CP: variants seen among roughly 807,000 people sequenced by gnomAD.
CP encodes ceruloplasmin.
Under a neutral mutation model 122.4 loss-of-function variants are expected in CP, and 64 were observed. The observed-to-expected ratio is 0.52, with a 90% CI of 0.43 to 0.64. The LOEUF (loss-of-function observed/expected upper bound fraction) is 0.64. Ranked by LOEUF, CP falls within the 30% of genes least tolerant of loss-of-function variation. The pLI is 0.00. For synonymous variants in CP, 440 were observed against 436.4 expected, an observed-to-expected ratio of 1.01 and a Z score of -0.10; for missense variants, 1,167 against 1,284.4, an observed-to-expected ratio of 0.91 and a Z score of 1.40.
intron 1 of CP, among the ~76,000 whole-genome samples, chr3:149,213,666 GTGT>G (rs1728267136): frequency 6.9e-6 from 1 of 144,692 alleles, no homozygotes; most frequent in Admixed American, 7.1e-5. Context: ...GTGTGTGTGT[GTGT>G]GTGTTGCCTT....
intron 15 of CP, among the ~76,000 whole-genome samples, chr3:149,179,268 A>G (rs1396339146): frequency 6.6e-6 from 1 of 152,276 alleles, no homozygotes; most frequent in East Asian, 1.9e-4. Flanking sequence ...AAATGCAAAT[A>G]TACTGCCATT....
In CP at chr3:149,212,655, C is replaced by A; in HGVS notation, c.190G>T (p.Gly64Trp). 1 of 1,613,778 alleles carries A rather than the reference C, an allele frequency of 6.2e-7. No individual in the cohort carries two copies. The highest frequency in any genetic ancestry group is 2.2e-5 in the East Asian group (1 of 44,834). ...TAAAGGGCCTTCTTATATAGTCTCC[C>A]AATTCTATCTGGGCCATTTTGAAGA... is the stretch of plus-strand genomic sequence containing the variant. Reference protein sequence around the residue: ...IYLQNGPDRIGRLYKKALYLQ... With the variant: ...IYLQNGPDRIWRLYKKALYLQ... Residue 64 changes from glycine (G) to tryptophan (W), a missense_variant, in exon 2 of 19, where the codon GGG becomes TGG. Physicochemically the swap from Gly to Trp is radical, Grantham distance 184 (BLOSUM62 -2). Coordinates refer to ENST00000264613, the MANE Select transcript of CP (RefSeq NM_000096.4).
At chr3:149,189,580 C>T (rs964658150) in intron 9 of CP, among the ~76,000 whole-genome samples, 4 of 146,710 alleles carry the variant, frequency 2.7e-5, no homozygotes, top group African/African-American at 7.5e-5. Context: ...AGTTATGAAA[C>T]GAAAAAATCA....
Position 149,164,153 on chromosome 3 carries a change from G to T in CP, c.*14-1278C>A, listed in dbSNP as rs115730315. 6.4e-3 allele frequency among the ~76,000 whole-genome samples: 978 copies of T among 152,240 alleles called. 5 individuals carry two copies. Among genetic ancestry groups the T allele is most frequent in the African/African-American group, 0.023 (944 of 41,538 alleles). On this transcript the variant is annotated intron_variant, in intron 5 of 5. Coordinates refer to the CP transcript ENST00000479771. ...GATGGTTGGAACACCTGTGCTGAGC[G>T]GCTGGTTTTGTTGTAGGTGGATGAA...
intron 4 of CP, 98 bp from the exon 5 acceptor site, chr3:149,207,715 A>T: frequency 7.7e-7 from 1 of 1,295,580 alleles, no homozygotes; most frequent in South Asian, 1.2e-5. Flanking sequence ...AATGGCAAAT[A>T]TCTGGCACAC....
Position 149,221,636 on chromosome 3 carries a change from T to C in CP, c.146+11A>G. ...AATTTTGGTCTATAAACAATAAAAA[T>C]AGTGACTTACGTGTCAACAGAAATA... On this transcript the variant is annotated intron_variant, in intron 1 of 18. Transcript: ENST00000264613. The C allele has an allele frequency of 1.2e-6, 2 of 1,609,824 alleles. No homozygotes were observed. Among genetic ancestry groups the C allele is most frequent in the Non-Finnish European group, 1.7e-6 (2 of 1,178,492 alleles).
At chr3:149,221,015 G>A (rs1416386020) in intron 1 of CP, among the ~76,000 whole-genome samples, 1 of 152,126 alleles carries the variant, frequency 6.6e-6, no homozygotes, top group African/African-American at 2.4e-5. Flanking sequence ...GGAGCTTTTT[G>A]AGGACCATCC....
intron 9 of CP, among the ~76,000 whole-genome samples, chr3:149,193,814 A>T (rs185881149): frequency 6.6e-6 from 1 of 152,338 alleles, no homozygotes; most frequent in East Asian, 1.9e-4. Context: ...TAGGGCAGGT[A>T]TCATCTCCAT....
chr3:149,211,736 A>C (rs1728112800), intron 2 of CP, among the ~76,000 whole-genome samples: 1 of 152,244 alleles, frequency 6.6e-6, no homozygotes, highest in Non-Finnish European at 1.5e-5. Flanking sequence ...GTATGTTTAC[A>C]TGTAGGAACT....
At chr3:149,217,265 A>T (rs1728525393) in intron 1 of CP, among the ~76,000 whole-genome samples, 1 of 152,108 alleles carries the variant, frequency 6.6e-6, no homozygotes, top group Non-Finnish European at 1.5e-5. Context: ...TTTTCCAGAA[A>T]ATTTTAGCTA....
chr3:149,206,259 G>A lies in CP; in HGVS notation c.1117C>T (p.His373Tyr). 2 of 1,613,958 alleles carry A rather than the reference G, an allele frequency of 1.2e-6. No individual in the cohort carries two copies. Among genetic ancestry groups the A allele is most frequent in the South Asian group, 2.2e-5 (2 of 91,072 alleles). ...KDNIRGKHVR[H>Y]YYIAAEEIIW... The stretch of plus-strand genomic sequence containing the variant: ...ATTTCCTCAGCGGCAATGTAGTAGT[G>A]TCTAACATGCTTCCCACGGATATTA... Residue 373 changes from histidine (H) to tyrosine (Y), a missense_variant, in exon 6 of 19, where the codon CAC (histidine) becomes TAC (tyrosine). Transcript: ENST00000264613.
At chr3:149,168,194 A>C, downstream of CP, 1 of 534,540 alleles carries the variant, frequency 1.9e-6, no homozygotes, top group Non-Finnish European at 3.4e-6. Context: ...CTTTTAACTT[A>C]ATCCTTTCAA....
chr3:149,195,802 C>CT (rs924621312), intron 9 of CP, among the ~76,000 whole-genome samples: 19 of 149,428 alleles, frequency 1.3e-4, no homozygotes, highest in Non-Finnish European at 2.4e-4. Context: ...GGAGGTGGGG[C>CT]TTGCAGTGAG....
At chr3:149,213,344 A>G (rs528143142) in intron 1 of CP, among the ~76,000 whole-genome samples, 6 of 152,326 alleles carry the variant, frequency 3.9e-5, no homozygotes, top group African/African-American at 1.4e-4. Context: ...CTTAACATTG[A>G]ATGTTTGTAT....
At position 149,162,839 on chromosome 3, in the gene CP, G is replaced by A. The variant is rs2108170692; in HGVS notation, c.*50C>T. On this transcript the variant is annotated 3_prime_UTR_variant, in exon 6 of 6. Coordinates refer to the CP transcript ENST00000479771. ...ACATCTGGAGATTGTCTAAGAGGCAGCCTCCTGACACCACACCATTGCGAA... is the reference window on the plus strand; with the variant it reads ...ACATCTGGAGATTGTCTAAGAGGCAACCTCCTGACACCACACCATTGCGAA... 3.1e-6 allele frequency: 5 copies of A among 1,614,006 alleles called. No homozygotes were observed. Among genetic ancestry groups the A allele is most frequent in the East Asian group, 4.5e-5 (2 of 44,868 alleles).
chr3:149,199,812 G>C lies in CP; in HGVS notation c.1401C>G (p.Asn467Lys). The part of the protein sequence containing the change: ...VGDTIRVTFH[N>K]KGAYPLSIEP... ...CAATACTGAGGGGATATGCTCCTTT[G>C]TTATGGAAGGTTACTCTGATGGTGT... is the stretch of plus-strand genomic sequence containing the variant. Residue 467 changes from asparagine to lysine, a missense_variant, in exon 8 of 19, where the codon AAC (asparagine) becomes AAG (lysine). By Grantham distance (94) the Asn-to-Lys change is moderately conservative. This residue lies in a region of CP where 642 missense variants were observed against 627.3 expected (regional missense o/e 1.02). Transcript: ENST00000264613. 6.2e-7 allele frequency: 1 copy of C among 1,614,100 alleles called. No individual in the cohort carries two copies. Among genetic ancestry groups the C allele is most frequent in the Non-Finnish European group, 8.5e-7 (1 of 1,179,984 alleles).
intron 4 of CP, 110 bp from the exon 5 acceptor site, chr3:149,207,727 T>C: frequency 8.9e-7 from 1 of 1,121,386 alleles, no homozygotes; most frequent in South Asian, 1.3e-5. Context: ...CTGGCACACA[T>C]GCTGGTATTC....
intron 6 of CP, among the ~76,000 whole-genome samples, chr3:149,202,601 T>C (rs1399188793): frequency 6.8e-6 from 1 of 146,880 alleles, no homozygotes; most frequent in African/African-American, 2.5e-5. Context: ...TTGTTGTTGT[T>C]TGTCTTTTTT....
At chr3:149,193,691 G>A (rs1410920408) in intron 9 of CP, among the ~76,000 whole-genome samples, 3 of 152,158 alleles carry the variant, frequency 2.0e-5, no homozygotes, top group African/African-American at 7.2e-5. Flanking sequence ...ATTTAGACAA[G>A]ATAACCATTC....
Sources: allele counts gnomAD v4.1 joint callset (sites outside exome capture counted in the v4.1 genomes callset), GRCh38; gene constraint gnomAD v4.1.1; regional missense constraint gnomAD v4.1.1; transcripts MANE v1.5; gene names NCBI Gene and HGNC (gene_info 2026-07-23, HGNC 2026-07-21).